The following PIGL variants were observed in gnomAD, a reference collection of about 807,000 sequenced individuals.
The protein encoded by PIGL is N-acetylglucosaminyl-phosphatidylinositol de-N-acetylase.
In PIGL, 22 loss-of-function variants were observed where a neutral mutation model predicts 31.1. The ratio of observed to expected loss-of-function variants is 0.71; its 90% confidence interval spans 0.51 to 1.01. The LOEUF is 1.01. Among genes scored for constraint, PIGL ranks in the 50% least tolerant of loss-of-function variants. The pLI, the probability that PIGL is intolerant of heterozygous loss-of-function variation, is 0.00. For missense variants in PIGL, 302 were observed against 315.9 expected (o/e 0.96, Z 0.33); for synonymous variants, 131 against 117.4 (o/e 1.12, Z -0.75).
intron 2 of PIGL, among the ~76,000 whole-genome samples, chr17:16,280,711 T>G (rs959454957): frequency 1.3e-5 from 2 of 152,112 alleles, no homozygotes; most frequent in Admixed American, 6.6e-5. Context: ...TTTTGTTTTG[T>G]TTTGTTTTGT....
intron 2 of PIGL, among the ~76,000 whole-genome samples, chr17:16,262,298 G>A (rs2092822546): frequency 6.6e-6 from 1 of 152,112 alleles, no homozygotes; most frequent in South Asian, 2.1e-4. Context: ...GGTATCAAAT[G>A]GGCCAAATGG....
intron 2 of PIGL, among the ~76,000 whole-genome samples, chr17:16,287,994 G>A (rs2092945122): frequency 6.6e-6 from 1 of 152,170 alleles, no homozygotes; most frequent in African/African-American, 2.4e-5. Context: ...ATATAGGCAA[G>A]TTACCTTCTT....
intron 2 of PIGL, among the ~76,000 whole-genome samples, chr17:16,297,830 A>G (rs543491152): frequency 6.6e-5 from 10 of 152,166 alleles, no homozygotes; most frequent in Non-Finnish European, 8.8e-5. Flanking sequence ...TGTAGAAAAC[A>G]CCCTAAAGCA....
At chr17:16,317,626 G>A (rs771349977) in intron 5 of PIGL, 149 bp from the exon 6 acceptor site, 3 of 1,472,208 alleles carry the variant, frequency 2.0e-6, no homozygotes, top group Admixed American at 2.3e-5. Flanking sequence ...ATGGGCACAG[G>A]GCAGCTTTAG....
chr17:16,217,626 C>A, intron 1 of PIGL, 165 bp downstream of exon 1: 112 of 590,106 alleles, frequency 1.9e-4, no homozygotes, highest in South Asian at 5.4e-4. Context: ...GAGCGGCCGG[C>A]TTACCTGGTG....
At chr17:16,245,607 G>T (rs1246924990) in intron 2 of PIGL, among the ~76,000 whole-genome samples, 1 of 148,998 alleles carries the variant, frequency 6.7e-6, no homozygotes, top group African/African-American at 2.5e-5. Context: ...GTTTCACCAT[G>T]TTGGGCAGGA....
intron 2 of PIGL, among the ~76,000 whole-genome samples, chr17:16,246,459 C>A (rs1048595175): frequency 6.6e-6 from 1 of 151,038 alleles, no homozygotes; most frequent in Non-Finnish European, 1.5e-5. Flanking sequence ...TTGCACTGAG[C>A]CGAGATTGCA....
chr17:16,226,797 G>A (rs1355566592), intron 1 of PIGL, among the ~76,000 whole-genome samples: 1 of 152,122 alleles, frequency 6.6e-6, no homozygotes, highest in Non-Finnish European at 1.5e-5. Context: ...GTCTTTATGT[G>A]GAGGTCTCCT....
intron 3 of PIGL, among the ~76,000 whole-genome samples, chr17:16,309,335 GA>G (rs2093038771): frequency 2.0e-5 from 3 of 152,194 alleles, no homozygotes; most frequent in African/African-American, 7.2e-5. Context: ...GGGACCTAAA[GA>G]GCAAAGCGAT....
intron 2 of PIGL, among the ~76,000 whole-genome samples, chr17:16,275,697 G>GT (rs1358831220): frequency 2.0e-5 from 3 of 152,126 alleles, no homozygotes; most frequent in Non-Finnish European, 2.9e-5. Flanking sequence ...AGGGTCTCTT[G>GT]TATTTGGGGT....
chr17:16,257,276 G>T (rs1244057779), intron 2 of PIGL, among the ~76,000 whole-genome samples: 1 of 151,970 alleles, frequency 6.6e-6, no homozygotes, highest in African/African-American at 2.4e-5. Flanking sequence ...AATTAGCCAG[G>T]CCTGGCGGCG....
intron 2 of PIGL, among the ~76,000 whole-genome samples, chr17:16,276,799 C>T (rs2092897783): frequency 6.6e-6 from 1 of 152,164 alleles, no homozygotes; most frequent in Non-Finnish European, 1.5e-5. Flanking sequence ...GTTTTTGAAA[C>T]ATAACGTTTT....
chr17:16,288,769 C>A (rs932483203), intron 2 of PIGL, among the ~76,000 whole-genome samples: 1 of 151,574 alleles, frequency 6.6e-6, no homozygotes, highest in African/African-American at 2.4e-5. Flanking sequence ...AAACTCCTGA[C>A]CTCAGGTGAT....
intron 6 of PIGL, among the ~76,000 whole-genome samples, chr17:16,323,969 A>ATTTC: frequency 6.9e-6 from 1 of 145,172 alleles, no homozygotes; most frequent in South Asian, 2.2e-4. Context: ...TTATTTATTT[A>ATTTC]TTTTGAGACA....
chr17:16,290,743 C>G (rs564838809), intron 2 of PIGL, among the ~76,000 whole-genome samples: 1 of 151,676 alleles, frequency 6.6e-6, no homozygotes, highest in Admixed American at 6.6e-5. Context: ...TACAGTGGTG[C>G]GATCACAGCT....
chr17:16,318,892 C>T (rs1454499059), intron 6 of PIGL, among the ~76,000 whole-genome samples: 1 of 151,564 alleles, frequency 6.6e-6, no homozygotes, highest in Non-Finnish European at 1.5e-5. Flanking sequence ...GATCATGCCA[C>T]TGTACTCCAG....
Position 16,237,704 on chromosome 17 carries a change from T to A in PIGL, c.335+3634T>A, listed in dbSNP as rs117033358. 2.9e-3 allele frequency among the ~76,000 whole-genome samples: 416 copies of A among 145,812 alleles called. 2 individuals are homozygous for A. In the East Asian group the frequency reaches 0.034, roughly 12 times the overall value. ...ATCCCAACTACTTGGGTGACTGAGG[T>A]GAGAGGATCACCTGAACCCAGAAGG... is the stretch of plus-strand genomic sequence containing the variant. On this transcript the variant is annotated intron_variant, in intron 2 of 6. Transcript: ENST00000225609.
intron 3 of PIGL, among the ~76,000 whole-genome samples, chr17:16,312,158 C>CCGGA (rs951296360): frequency 6.6e-6 from 1 of 150,952 alleles, no homozygotes; most frequent in African/African-American, 2.4e-5. Context: ...CACCTCCCTC[C>CCGGA]CGGACGGGGC....
At chr17:16,296,944 TCTCCTGAC>T (rs1202399211) in intron 2 of PIGL, among the ~76,000 whole-genome samples, 1 of 151,972 alleles carries the variant, frequency 6.6e-6, no homozygotes, top group Non-Finnish European at 1.5e-5. Flanking sequence ...ATGGTCTCAA[TCTCCTGAC>T]CTCGTGATCC....
Sources: gnomAD v4.1 joint callset for allele counts (sites outside exome capture counted in the v4.1 genomes callset) on GRCh38, gnomAD v4.1.1 for gene constraint, MANE v1.5 for transcripts, NCBI Gene and HGNC (gene_info 2026-07-23, HGNC 2026-07-21) for gene names.